LYPLAL1: variants seen among roughly 807,000 people sequenced by gnomAD.
LYPLAL1 encodes the protein lysophospholipase-like protein 1.
Under a neutral mutation model 19.7 loss-of-function variants are expected in LYPLAL1, and 23 were observed. That is an observed-to-expected ratio of 1.17 (90% CI 0.84 to 1.65). LYPLAL1 has a LOEUF of 1.65. Ranked by LOEUF, LYPLAL1 falls within the 40% of genes most tolerant of loss-of-function variation. The pLI, the probability that LYPLAL1 is intolerant of heterozygous loss-of-function variation, is 0.00. For missense variants in LYPLAL1, 355 were observed against 279.4 expected, an observed-to-expected ratio of 1.27 and a Z score of -1.93; for synonymous variants, 119 against 96.3, an observed-to-expected ratio of 1.24 and a Z score of -1.38.
chr1:219,233,903 A>G, the LYPLAL1 span, among the ~76,000 whole-genome samples: 1 of 152,228 alleles, frequency 6.6e-6, no homozygotes, highest in Non-Finnish European at 1.5e-5. Context: ...CTCTGCCTCT[A>G]AGTATGACCA....
chr1:219,320,875 A>G, the LYPLAL1 span, among the ~76,000 whole-genome samples: 3 of 152,198 alleles, frequency 2.0e-5, no homozygotes, highest in African/African-American at 7.2e-5. Flanking sequence ...AGTCTTTGCT[A>G]TTGTGAATAG....
the LYPLAL1 span, among the ~76,000 whole-genome samples, chr1:219,221,452 G>C: frequency 6.6e-6 from 1 of 152,112 alleles, no homozygotes. Flanking sequence ...AGCTTTTTTG[G>C]ACCCTTTTCA....
At chr1:219,201,322 C>CT (rs941283031) in intron 3 of LYPLAL1, among the ~76,000 whole-genome samples, 59 of 145,726 alleles carry the variant, frequency 4.0e-4, no homozygotes, top group African/African-American at 8.3e-4. Flanking sequence ...TCTAGTGTTG[C>CT]TTTTTTTTTT....
chr1:219,232,848 T>C, the LYPLAL1 span, among the ~76,000 whole-genome samples: 1 of 147,648 alleles, frequency 6.8e-6, no homozygotes, highest in Non-Finnish European at 1.5e-5. Context: ...GCCCGTCTGA[T>C]AGGATGGCTA....
chr1:219,338,327 G>C, the LYPLAL1 span, among the ~76,000 whole-genome samples: 3 of 151,888 alleles, frequency 2.0e-5, no homozygotes, highest in African/African-American at 4.8e-5. Context: ...TAAAAAATAG[G>C]AAAAAACCTG....
chr1:219,187,145 A>G (rs763119249), intron 2 of LYPLAL1, among the ~76,000 whole-genome samples: 1 of 151,702 alleles, frequency 6.6e-6, no homozygotes, highest in Admixed American at 6.6e-5. Context: ...AAACAAGGTT[A>G]TAATTTTTGT....
rs773491056 is a variant in LYPLAL1, at chr1:219,210,541, C to G, written c.371C>G (p.Ser124Cys). The change falls in exon 4 of 5, where the codon TCT (serine) becomes TGT (cysteine). Residue 124 changes from serine to cysteine, a missense_variant. By Grantham distance (112) the Ser-to-Cys change is moderately radical. Transcript: ENST00000366928. Reference protein sequence around the residue: ...KKNRILIGGFSMGGCMAIHLA... With the variant: ...KKNRILIGGFCMGGCMAIHLA... ...ATGTTTTTGTTTTTAGGAGGATTCTCTATGGGAGGATGCATGGCAATACAT... is the reference window on the plus strand; with the variant it reads ...ATGTTTTTGTTTTTAGGAGGATTCTGTATGGGAGGATGCATGGCAATACAT... The G allele has an allele frequency of 5.6e-6, 9 of 1,597,710 alleles. No individual in the cohort carries two copies. Among genetic ancestry groups the G allele is most frequent in the Non-Finnish European group, 7.7e-6 (9 of 1,169,882 alleles).
chr1:219,285,419 G>A, the LYPLAL1 span, among the ~76,000 whole-genome samples: 1 of 152,156 alleles, frequency 6.6e-6, no homozygotes, highest in Non-Finnish European at 1.5e-5. Flanking sequence ...CACTAGCACA[G>A]GGTAACATTT....
the LYPLAL1 span, among the ~76,000 whole-genome samples, chr1:219,433,215 G>A: frequency 1.3e-4 from 20 of 152,186 alleles, no homozygotes; most frequent in Non-Finnish European, 2.2e-4. Flanking sequence ...AACTACAAGT[G>A]AGAAAGCGGG....
the LYPLAL1 span, among the ~76,000 whole-genome samples, chr1:219,362,083 A>G: frequency 6.6e-6 from 1 of 152,138 alleles, no homozygotes; most frequent in African/African-American, 2.4e-5. Flanking sequence ...ATAGAATGTT[A>G]GGAAGAGGAC....
intron 2 of LYPLAL1, among the ~76,000 whole-genome samples, chr1:219,185,999 G>T (rs1489977331): frequency 1.3e-5 from 2 of 151,900 alleles, no homozygotes; most frequent in African/African-American, 4.8e-5. Context: ...AGAAGGGCAT[G>T]TGGGATGGAA....
At chr1:219,243,919 C>CA in the LYPLAL1 span, among the ~76,000 whole-genome samples, 93,381 of 128,880 alleles carry the variant, frequency 0.72, 33,789 homozygotes, top group East Asian at 0.92. Context: ...AACTCCATCT[C>CA]AAAAAAAAAA....
downstream of LYPLAL1, among the ~76,000 whole-genome samples, chr1:219,216,909 T>G (rs1659310795): frequency 6.6e-6 from 1 of 152,128 alleles, no homozygotes; most frequent in Non-Finnish European, 1.5e-5. Context: ...GCTGCCAGAG[T>G]ACAATATGTA....
chr1:219,405,134 T>G, the LYPLAL1 span, among the ~76,000 whole-genome samples: 1 of 152,250 alleles, frequency 6.6e-6, no homozygotes, highest in Admixed American at 6.5e-5. Context: ...ATGCCATAGT[T>G]AAGTGTCATT....
chr1:219,303,065 C>T, the LYPLAL1 span, among the ~76,000 whole-genome samples: 1 of 152,290 alleles, frequency 6.6e-6, no homozygotes, highest in Non-Finnish European at 1.5e-5. Context: ...TCACACATTT[C>T]CAGAAGTATA....
At chr1:219,218,889 G>A in the LYPLAL1 span, among the ~76,000 whole-genome samples, 10 of 152,050 alleles carry the variant, frequency 6.6e-5, no homozygotes, top group Admixed American at 2.0e-4. Flanking sequence ...TGTGCCTCCC[G>A]GGGTCCTGGC....
chr1:219,399,098 G>T, the LYPLAL1 span, among the ~76,000 whole-genome samples: 3 of 152,208 alleles, frequency 2.0e-5, no homozygotes, highest in Non-Finnish European at 4.4e-5. Flanking sequence ...GGGTGCTAGT[G>T]GGTGTGGGGG....
chr1:219,343,008 T>C, the LYPLAL1 span, among the ~76,000 whole-genome samples: 88 of 152,270 alleles, frequency 5.8e-4, no homozygotes, highest in African/African-American at 2.0e-3. Context: ...ACGGATGTGA[T>C]AGTGGTCAAT....
At chr1:219,257,949 G>A in the LYPLAL1 span, among the ~76,000 whole-genome samples, 1 of 151,954 alleles carries the variant, frequency 6.6e-6, no homozygotes, top group Non-Finnish European at 1.5e-5. Context: ...TCCCAGGAAT[G>A]CATTCCTTCC....
Sources: allele counts gnomAD v4.1 joint callset (sites outside exome capture counted in the v4.1 genomes callset), GRCh38; gene constraint gnomAD v4.1.1; transcripts MANE v1.5; gene names NCBI Gene and HGNC (gene_info 2026-07-23, HGNC 2026-07-21).